FMN2: variants seen among roughly 807,000 people sequenced by gnomAD.
FMN2 encodes the protein formin 2, also known as formin-2.
Under a neutral mutation model 142.3 loss-of-function variants are expected in FMN2, and 51 were observed. That is an observed-to-expected ratio of 0.36 (90% CI 0.29 to 0.45). FMN2 has a LOEUF of 0.45. FMN2 is among the 20% of genes least tolerant of loss of function. The probability of loss-of-function intolerance (pLI) is 1.00; values close to 1 mark genes in which losing one functional copy is unlikely to be tolerated. For synonymous variants in FMN2, 882 were observed against 869.8 expected (o/e 1.01, Z -0.25); for missense variants, 1,936 against 2,122.8 (o/e 0.91, Z 1.73).
intron 13 of FMN2, among the ~76,000 whole-genome samples, chr1:240,336,880 AT>A (rs538866204): frequency 9.5e-4 from 141 of 148,726 alleles, no homozygotes; most frequent in Admixed American, 3.5e-3. Flanking sequence ...AATTTACCTC[AT>A]TTTTTTTTTG....
chr1:240,111,835 T>C (rs1661820438), intron 1 of FMN2, among the ~76,000 whole-genome samples: 1 of 152,104 alleles, frequency 6.6e-6, no homozygotes, highest in South Asian at 2.1e-4. Flanking sequence ...ATCCAGGAAG[T>C]AGCTTCTGTT....
chr1:240,421,549 A>G (rs1176723955), intron 15 of FMN2, among the ~76,000 whole-genome samples: 1 of 152,138 alleles, frequency 6.6e-6, no homozygotes, highest in Non-Finnish European at 1.5e-5. Context: ...TTTGTTGAAA[A>G]AACTATTCTT....
intron 6 of FMN2, among the ~76,000 whole-genome samples, chr1:240,249,947 C>G (rs1668222518): frequency 1.3e-5 from 2 of 152,030 alleles, no homozygotes; most frequent in African/African-American, 4.8e-5. Context: ...ATTTTGTATA[C>G]TGCAACTTTA....
chr1:240,374,238 ATTC>A (rs1399545270), intron 14 of FMN2, among the ~76,000 whole-genome samples: 2 of 152,148 alleles, frequency 1.3e-5, no homozygotes, highest in Non-Finnish European at 2.9e-5. Flanking sequence ...ATTTAGCATA[ATTC>A]TTATAGGCTG....
intron 1 of FMN2, among the ~76,000 whole-genome samples, chr1:240,118,322 A>C (rs1012614780): frequency 1.3e-5 from 2 of 152,182 alleles, no homozygotes; most frequent in Admixed American, 6.5e-5. Context: ...GCTGTCTGCC[A>C]AGAGACAGGG....
rs187553383 is a variant in FMN2, at chr1:240,237,942, A to G, written c.4066-20003A>G. Among the ~76,000 whole-genome samples the G allele has an allele frequency of 8.5e-5, 13 of 152,298 alleles. No homozygotes were observed. The East Asian group carries it at 2.3e-3, about 27-fold the overall frequency. On this transcript the variant is annotated intron_variant, in intron 6 of 17. Coordinates refer to ENST00000319653, the MANE Select transcript of FMN2 (RefSeq NM_020066.5). The stretch of plus-strand genomic sequence containing the variant: ...AGCATCTGATTCTAAAATTGCTTTT[A>G]TTTGACTTCTCAATGAGTCTTTTAA...
chr1:240,102,137 CTG>C (rs1361633520), intron 1 of FMN2, among the ~76,000 whole-genome samples: 5 of 151,990 alleles, frequency 3.3e-5, no homozygotes, highest in Non-Finnish European at 5.9e-5. Flanking sequence ...TTTTATGAGT[CTG>C]TGGTATTCCA....
intron 16 of FMN2, 56 bp downstream of exon 16, chr1:240,438,266 G>T: frequency 6.4e-7 from 1 of 1,556,636 alleles, no homozygotes; most frequent in Middle Eastern, 1.8e-4. Flanking sequence ...ATTAGGTGTG[G>T]CACCACTGGG....
At chr1:240,377,084 G>A (rs1410256716) in intron 14 of FMN2, among the ~76,000 whole-genome samples, 1 of 152,050 alleles carries the variant, frequency 6.6e-6, no homozygotes, top group African/African-American at 2.4e-5. Context: ...TGACAAAATT[G>A]TATTTTATAT....
intron 14 of FMN2, among the ~76,000 whole-genome samples, chr1:240,376,308 G>A (rs1167335441): frequency 2.6e-5 from 4 of 152,046 alleles, no homozygotes; most frequent in African/African-American, 9.7e-5. Flanking sequence ...GGGACATTTA[G>A]AACATTTACA....
At chr1:240,284,779 GT>G (rs1669530120) in intron 7 of FMN2, among the ~76,000 whole-genome samples, 1 of 152,124 alleles carries the variant, frequency 6.6e-6, no homozygotes, top group Non-Finnish European at 1.5e-5. Flanking sequence ...AATAGGCAAT[GT>G]AGTGAGTAAG....
intron 7 of FMN2, 63 bp from the exon 8 acceptor site, chr1:240,294,759 G>A: frequency 2.0e-6 from 3 of 1,495,904 alleles, no homozygotes; most frequent in Non-Finnish European, 2.8e-6. Flanking sequence ...TGCTGCCTGA[G>A]ATGGTCAAAC....
At chr1:240,390,767 G>A (rs2103095857) in intron 14 of FMN2, among the ~76,000 whole-genome samples, 1 of 152,280 alleles carries the variant, frequency 6.6e-6, no homozygotes, top group African/African-American at 2.4e-5. Flanking sequence ...GCAAAATCAG[G>A]AATCGAATAC....
intron 4 of FMN2, among the ~76,000 whole-genome samples, chr1:240,206,069 A>T (rs1013354375): frequency 2.0e-5 from 3 of 151,574 alleles, no homozygotes; most frequent in African/African-American, 7.3e-5. Context: ...TGCTCAGCTA[A>T]TTTTTTTAAT....
intron 15 of FMN2, among the ~76,000 whole-genome samples, chr1:240,421,118 A>G (rs1372845066): frequency 2.6e-5 from 4 of 152,172 alleles, no homozygotes; most frequent in Non-Finnish European, 5.9e-5. Context: ...TTGTATCAGT[A>G]TTCTTGCAGC....
chr1:240,119,792 C>T (rs1295555389), intron 1 of FMN2, among the ~76,000 whole-genome samples: 2 of 152,224 alleles, frequency 1.3e-5, no homozygotes, highest in African/African-American at 4.8e-5. Flanking sequence ...TGCACGTACA[C>T]ATTTACCTTC....
At chr1:240,333,379 T>C (rs1219241840) in intron 11 of FMN2, among the ~76,000 whole-genome samples, 2 of 152,154 alleles carry the variant, frequency 1.3e-5, no homozygotes, top group Admixed American at 1.3e-4. Context: ...CTTTACTTAG[T>C]ATTGGAATGG....
intron 15 of FMN2, among the ~76,000 whole-genome samples, chr1:240,426,632 C>T (rs946154696): frequency 6.6e-6 from 1 of 152,150 alleles, no homozygotes; most frequent in Non-Finnish European, 1.5e-5. Flanking sequence ...CCTCTATAAC[C>T]CTACCCGCTT....
chr1:240,404,286 A>G (rs1317424725), intron 15 of FMN2, among the ~76,000 whole-genome samples: 1 of 152,246 alleles, frequency 6.6e-6, no homozygotes, highest in Admixed American at 6.5e-5. Context: ...TGGCACATGG[A>G]TAAAATGAAA....
Sources: allele counts gnomAD v4.1 joint callset (sites outside exome capture counted in the v4.1 genomes callset), GRCh38; gene constraint gnomAD v4.1.1; transcripts MANE v1.5; gene names NCBI Gene and HGNC (gene_info 2026-07-23, HGNC 2026-07-21).